Variants in OSBPL1A observed in about 807,000 individuals in gnomAD.
OSBPL1A encodes oxysterol binding protein like 1A, also known as oxysterol-binding protein-related protein 1.
Under a neutral mutation model 137.1 loss-of-function variants are expected in OSBPL1A, and 80 were observed. The observed-to-expected ratio is 0.58, with a 90% CI of 0.49 to 0.70. The LOEUF is 0.70. Among genes scored for constraint, OSBPL1A ranks in the 30% least tolerant of loss-of-function variants. The probability of loss-of-function intolerance (pLI) is 0.00; values close to 1 mark genes in which losing one functional copy is unlikely to be tolerated. For synonymous variants in OSBPL1A, 365 were observed against 389.7 expected (o/e 0.94, Z 0.75); for missense variants, 970 against 1,129.4 (o/e 0.86, Z 2.02).
chr18:24,219,947 T>C (rs1323028906), intron 17 of OSBPL1A, among the ~76,000 whole-genome samples: 1 of 152,226 alleles, frequency 6.6e-6, no homozygotes, highest in African/African-American at 2.4e-5. Context: ...GGTTTTCAAA[T>C]TGGAGCCCTA....
chr18:24,335,626 G>A (rs1419597723), intron 5 of OSBPL1A, among the ~76,000 whole-genome samples: 1 of 152,192 alleles, frequency 6.6e-6, no homozygotes, highest in African/African-American at 2.4e-5. Context: ...GTCCTGTGCA[G>A]AGGCTGCAAA....
chr18:24,250,153 T>G (rs902942249), intron 15 of OSBPL1A, among the ~76,000 whole-genome samples: 22 of 24,676 alleles, frequency 8.9e-4, no homozygotes, highest in East Asian at 4.4e-3. Flanking sequence ...CGTTTGTGTG[T>G]TTTTGTTTGT....
At position 24,334,263 on chromosome 18, in the gene OSBPL1A, T is replaced by C. The variant is rs1013309873; in HGVS notation, c.462A>G (p.Thr154=). 5.0e-6 allele frequency: 8 copies of C among 1,612,024 alleles called. No homozygotes were observed. The highest frequency in any genetic ancestry group is 5.9e-6 in the Non-Finnish European group (7 of 1,179,464). Residue 154 remains threonine, a synonymous_variant, in exon 6 of 28, where the codon ACA becomes ACG. Coordinates refer to ENST00000319481, the MANE Select transcript of OSBPL1A (RefSeq NM_080597.4). ...GTTTTACCAGAGCTGTGAGTTCTGT[T>C]GTTTTGCCTTCTCTTGCTGCTGCTA... The part of the protein sequence containing the change: ...LLLAAAREGK[T]TELTALLNRP...
At chr18:24,340,113 T>G (rs572637448) in intron 5 of OSBPL1A, among the ~76,000 whole-genome samples, 3 of 152,238 alleles carry the variant, frequency 2.0e-5, no homozygotes, top group African/African-American at 7.2e-5. Flanking sequence ...AAGTAGAAAA[T>G]TAAAGATCTT....
At chr18:24,294,958 G>T (rs529709193) in intron 14 of OSBPL1A, among the ~76,000 whole-genome samples, 1 of 152,262 alleles carries the variant, frequency 6.6e-6, no homozygotes, top group Non-Finnish European at 1.5e-5. Flanking sequence ...TCAAATAGTA[G>T]ATCTACTTTT....
chr18:24,352,389 T>C (rs1472672032), intron 4 of OSBPL1A, among the ~76,000 whole-genome samples: 3 of 151,598 alleles, frequency 2.0e-5, no homozygotes, highest in Non-Finnish European at 2.9e-5. Context: ...AAATCTAAAA[T>C]TAGAAAAATA....
At chr18:24,231,800 T>C (rs560286146) in intron 16 of OSBPL1A, among the ~76,000 whole-genome samples, 2 of 152,388 alleles carry the variant, frequency 1.3e-5, no homozygotes, top group East Asian at 3.9e-4. Flanking sequence ...AGTTGATTTG[T>C]TAATTTTTCC....
chr18:24,310,432 C>A (rs866987978), intron 13 of OSBPL1A, among the ~76,000 whole-genome samples: 567 of 89,220 alleles, frequency 6.4e-3, no homozygotes, highest in East Asian at 9.6e-3. Flanking sequence ...ACTAAAAATA[C>A]AAAAAAAAAA....
chr18:24,348,398 G>C (rs2091382850), intron 4 of OSBPL1A, among the ~76,000 whole-genome samples: 1 of 152,076 alleles, frequency 6.6e-6, no homozygotes, highest in Non-Finnish European at 1.5e-5. Context: ...ATCATACGAG[G>C]AAGGTATTAT....
At chr18:24,238,601 C>T (rs980854938) in intron 16 of OSBPL1A, among the ~76,000 whole-genome samples, 1 of 152,160 alleles carries the variant, frequency 6.6e-6, no homozygotes, top group Non-Finnish European at 1.5e-5. Context: ...TTTAAATATG[C>T]GGAAACTATG....
rs779929400 is a variant in OSBPL1A, at chr18:24,167,329, C to T, written c.2535G>A (p.Gln845=). 1 of 1,613,500 alleles carries T rather than the reference C, an allele frequency of 6.2e-7. No homozygotes were observed. Among genetic ancestry groups the T allele is most frequent in the South Asian group, 1.1e-5 (1 of 91,078 alleles). Residue 845 remains glutamine, a splice_region_variant and synonymous_variant, in exon 25 of 28, where the codon CAG becomes CAA. Coordinates refer to ENST00000319481, the MANE Select transcript of OSBPL1A (RefSeq NM_080597.4). ...RIAPRPPNSA[Q]MYNFTSFAMV... is the part of the protein sequence containing the mutation. ...CCACAGCCAGCAAGCCCAGTCTCAC[C>T]TGGGCAGAATTTGGAGGCCGTGGGG...
At chr18:24,267,738 TA>T (rs1010792843) in intron 15 of OSBPL1A, among the ~76,000 whole-genome samples, 3 of 151,518 alleles carry the variant, frequency 2.0e-5, no homozygotes, top group African/African-American at 7.3e-5. Flanking sequence ...CCTTTAATGA[TA>T]AAAAAAATTT....
At chr18:24,183,806 G>A (rs935951432) in intron 18 of OSBPL1A, among the ~76,000 whole-genome samples, 11 of 152,122 alleles carry the variant, frequency 7.2e-5, no homozygotes, top group Admixed American at 1.3e-4. Context: ...TGTGTTTTGG[G>A]GATCTTTTAG....
At chr18:24,350,768 T>C (rs1246234510) in intron 4 of OSBPL1A, among the ~76,000 whole-genome samples, 1 of 152,194 alleles carries the variant, frequency 6.6e-6, no homozygotes, top group Admixed American at 6.5e-5. Context: ...TAGAAATCTA[T>C]ACATAGCCAA....
chr18:24,262,199 A>G (rs2089459590), intron 15 of OSBPL1A, among the ~76,000 whole-genome samples: 1 of 152,224 alleles, frequency 6.6e-6, no homozygotes, highest in Non-Finnish European at 1.5e-5. Flanking sequence ...CAGATGCAAA[A>G]CAATGTTTGC....
Position 24,163,117 on chromosome 18 carries a change from T to A in OSBPL1A, c.*62A>T. 8 of 1,301,890 alleles carry A rather than the reference T, an allele frequency of 6.1e-6. No individual in the cohort carries two copies. The South Asian group carries it at 1.1e-4, about 17-fold the overall frequency. 80.6% of individuals were successfully genotyped at this position (1,301,890 alleles called of 1,614,324 possible). A position where few individuals can be genotyped will look rare whatever the true frequency, so the allele number is the denominator to read the frequency against. ...ATAAGTAGAAACCAAGGGAAAAAAA[T>A]TTAAAAACATAGGTTTAAGACTTAT... On this transcript the variant is annotated 3_prime_UTR_variant, in exon 28 of 28. Coordinates refer to ENST00000319481, the MANE Select transcript of OSBPL1A (RefSeq NM_080597.4).
At chr18:24,377,179 C>A (rs1483807831) in intron 2 of OSBPL1A, among the ~76,000 whole-genome samples, 2 of 152,184 alleles carry the variant, frequency 1.3e-5, no homozygotes, top group Non-Finnish European at 2.9e-5. Context: ...CTAGAGCCAC[C>A]CTTGTGGCTT....
intron 13 of OSBPL1A, among the ~76,000 whole-genome samples, chr18:24,310,888 C>A (rs2090609891): frequency 6.6e-6 from 1 of 152,018 alleles, no homozygotes; most frequent in African/African-American, 2.4e-5. Context: ...GTAATTTTGG[C>A]CATATGTATT....
At chr18:24,184,643 C>G (rs2086695034) in intron 18 of OSBPL1A, among the ~76,000 whole-genome samples, 1 of 152,092 alleles carries the variant, frequency 6.6e-6, no homozygotes, top group Admixed American at 6.5e-5. Context: ...TGGGTGGTAA[C>G]CAGCTTATCT....
Sources: gnomAD v4.1 joint callset for allele counts (sites outside exome capture counted in the v4.1 genomes callset) on GRCh38, gnomAD v4.1.1 for gene constraint, MANE v1.5 for transcripts, NCBI Gene and HGNC (gene_info 2026-07-23, HGNC 2026-07-21) for gene names.